Variants in EFNA5 observed in about 807,000 individuals in gnomAD.
EFNA5 encodes ephrin A5, also known as ephrin-A5.
EFNA5 carries 5 observed loss-of-function variants against 22.9 expected under a neutral mutation model. The observed-to-expected ratio is 0.22, with a 90% CI of 0.11 to 0.46. The LOEUF (loss-of-function observed/expected upper bound fraction) is 0.46, where lower values mean the gene tolerates loss of function less well. Ranked by LOEUF, EFNA5 falls within the 20% of genes least tolerant of loss-of-function variation. The pLI is 0.99. For synonymous variants in EFNA5, 113 were observed against 112.2 expected (o/e 1.01, Z -0.04); for missense variants, 237 against 293.3 (o/e 0.81, Z 1.40).
chr5:107,517,569 T>C (rs1248626498), intron 1 of EFNA5, among the ~76,000 whole-genome samples: 1 of 152,244 alleles, frequency 6.6e-6, no homozygotes, highest in Non-Finnish European at 1.5e-5. Context: ...TAGCCTCTTC[T>C]TGTGTGCCCA....
intron 1 of EFNA5, 107 bp downstream of exon 1, chr5:107,670,382 G>A: frequency 7.3e-7 from 1 of 1,376,564 alleles, no homozygotes; most frequent in Non-Finnish European, 9.5e-7. Context: ...CGCAGGCTCC[G>A]AGGGTGCGCG....
chr5:107,545,135 C>T (rs1051195891), intron 1 of EFNA5, among the ~76,000 whole-genome samples: 1 of 152,232 alleles, frequency 6.6e-6, no homozygotes, highest in African/African-American at 2.4e-5. Context: ...AGTCACACAT[C>T]GAACCTTTAC....
intron 1 of EFNA5, among the ~76,000 whole-genome samples, chr5:107,578,361 T>C (rs1748969532): frequency 6.6e-6 from 1 of 152,162 alleles, no homozygotes; most frequent in African/African-American, 2.4e-5. Flanking sequence ...TTGATGATAA[T>C]CAGTTTTGGG....
chr5:107,626,977 A>G (rs1165249501), intron 1 of EFNA5, among the ~76,000 whole-genome samples: 1 of 152,194 alleles, frequency 6.6e-6, no homozygotes, highest in Non-Finnish European at 1.5e-5. Context: ...GGCTGTATTC[A>G]TGGCTAATAT....
At chr5:107,542,146 C>G (rs759338133) in intron 1 of EFNA5, among the ~76,000 whole-genome samples, 3 of 152,156 alleles carry the variant, frequency 2.0e-5, no homozygotes, top group South Asian at 2.1e-4. Context: ...TGGGGCCACA[C>G]TTTCAGGGGG....
At chr5:107,475,249 G>T (rs1488504193) in intron 1 of EFNA5, among the ~76,000 whole-genome samples, 1 of 152,174 alleles carries the variant, frequency 6.6e-6, no homozygotes, top group East Asian at 1.9e-4. Context: ...TAACATACAA[G>T]AGCTTTTCAA....
intron 1 of EFNA5, among the ~76,000 whole-genome samples, chr5:107,522,620 C>T (rs1445430636): frequency 6.6e-6 from 1 of 152,068 alleles, no homozygotes; most frequent in East Asian, 1.9e-4. Flanking sequence ...TTGAGGTCGA[C>T]GTTACCTCCA....
intron 1 of EFNA5, among the ~76,000 whole-genome samples, chr5:107,490,195 C>T (rs565211465): frequency 6.6e-6 from 1 of 152,204 alleles, no homozygotes; most frequent in Admixed American, 6.5e-5. Context: ...TTCTGTCTCA[C>T]TAGACTCAGA....
chr5:107,453,868 C>T (rs1456783967), intron 1 of EFNA5, among the ~76,000 whole-genome samples: 1 of 152,094 alleles, frequency 6.6e-6, no homozygotes. Flanking sequence ...ATTGTCTCCC[C>T]TGATTGTGAC....
At chr5:107,474,520 G>C (rs1016083055) in intron 1 of EFNA5, among the ~76,000 whole-genome samples, 1 of 151,960 alleles carries the variant, frequency 6.6e-6, no homozygotes, top group Non-Finnish European at 1.5e-5. Flanking sequence ...TTTCCTCCAG[G>C]CATGACTAAT....
intron 2 of EFNA5, among the ~76,000 whole-genome samples, chr5:107,412,292 C>T (rs903151041): frequency 2.6e-5 from 4 of 152,102 alleles, no homozygotes; most frequent in African/African-American, 9.6e-5. Flanking sequence ...TTGGAATGTA[C>T]GGTAAAATAC....
chr5:107,395,034 C>CTTTTTTTTTTT (rs58619326), intron 2 of EFNA5, among the ~76,000 whole-genome samples: 5,514 of 85,864 alleles, frequency 0.064, 1,207 homozygotes, highest in African/African-American at 0.084. Context: ...ATTTCTAGTT[C>CTTTTTTTTTTT]TTTTTTTTTT....
At chr5:107,548,890 A>T (rs1032477089) in intron 1 of EFNA5, among the ~76,000 whole-genome samples, 1 of 152,226 alleles carries the variant, frequency 6.6e-6, no homozygotes, top group Non-Finnish European at 1.5e-5. Context: ...TTTGCTCTAG[A>T]CGAGATTAAG....
chr5:107,495,843 T>A (rs1049767143), intron 1 of EFNA5, among the ~76,000 whole-genome samples: 1 of 152,184 alleles, frequency 6.6e-6, no homozygotes, highest in African/African-American at 2.4e-5. Context: ...GTTGCTGGGT[T>A]CAGTTTGCCT....
intron 1 of EFNA5, among the ~76,000 whole-genome samples, chr5:107,532,749 A>G (rs1181592804): frequency 6.6e-6 from 1 of 152,206 alleles, no homozygotes; most frequent in Non-Finnish European, 1.5e-5. Context: ...TTCGTCAAGC[A>G]TCCTGGTTGC....
At position 107,380,660 on chromosome 5, in the gene EFNA5, A is replaced by C. The variant is rs1747426733; in HGVS notation, c.*595T>G. On this transcript the variant is annotated 3_prime_UTR_variant, in exon 5 of 5. Coordinates refer to ENST00000333274, the MANE Select transcript of EFNA5 (RefSeq NM_001962.3). ...TAAGACAGTCATATTAAAAAAAAAA[A>C]CCAGTGTCTCAACCTTTTAGAAGCC... The C allele has an allele frequency of 2.5e-6, 1 of 396,232 alleles. No individual in the cohort carries two copies. Among genetic ancestry groups the C allele is most frequent in the African/African-American group, 2.1e-5 (1 of 48,280 alleles). 24.5% of individuals were successfully genotyped at this position (396,232 alleles called of 1,614,324 possible).
At position 107,641,017 on chromosome 5, in the gene EFNA5, T is replaced by TAGACAGAC. The variant is rs1200978327; in HGVS notation, c.125+29471_125+29472insGTCTGTCT. Among the ~76,000 whole-genome samples the TAGACAGAC allele has an allele frequency of 1.1e-4, 13 of 113,752 alleles. 1 individual carries two copies. Among genetic ancestry groups the TAGACAGAC allele is most frequent in the African/African-American group, 2.8e-4 (10 of 35,102 alleles). 74.6% of individuals were successfully genotyped at this position (113,752 alleles called of 152,430 possible). A position where few individuals can be genotyped will look rare whatever the true frequency, so the allele number is the denominator to read the frequency against. ...ATAGATAGATAGATAGATAGATAGA[T>TAGACAGAC]AGATAGACAGACAGACAGACAGATA... is the stretch of plus-strand genomic sequence containing the variant. On this transcript the variant is annotated intron_variant, in intron 1 of 4. Transcript: ENST00000333274.
At chr5:107,402,978 A>T (rs1237993824) in intron 2 of EFNA5, among the ~76,000 whole-genome samples, 2 of 152,192 alleles carry the variant, frequency 1.3e-5, no homozygotes, top group Admixed American at 1.3e-4. Context: ...TGTCTGTTCA[A>T]TCATTTCAAT....
At chr5:107,547,423 T>C (rs1242606674) in intron 1 of EFNA5, among the ~76,000 whole-genome samples, 1 of 152,068 alleles carries the variant, frequency 6.6e-6, no homozygotes, top group African/African-American at 2.4e-5. Flanking sequence ...ACAGGTGTGA[T>C]GGTGTCACAT....
Sources: gnomAD v4.1 joint callset for allele counts (sites outside exome capture counted in the v4.1 genomes callset) on GRCh38, gnomAD v4.1.1 for gene constraint, MANE v1.5 for transcripts, NCBI Gene and HGNC (gene_info 2026-07-23, HGNC 2026-07-21) for gene names.